Variants in XKR9 observed in about 807,000 individuals in gnomAD.
XKR9 encodes the protein XK-related protein 9.
Under a neutral mutation model 32.0 loss-of-function variants are expected in XKR9, and 32 were observed. The ratio of observed to expected loss-of-function variants is 1.00; its 90% CI spans 0.76 to 1.34. The LOEUF (loss-of-function observed/expected upper bound fraction) is 1.34. Among genes scored for constraint, XKR9 ranks in the 40% most tolerant of loss-of-function variants. The pLI, the probability that XKR9 is intolerant of heterozygous loss-of-function variation, is 0.00. For synonymous variants in XKR9, 168 were observed against 143.4 expected, an observed-to-expected ratio of 1.17 and a Z score of -1.22; for missense variants, 546 against 429.7, an observed-to-expected ratio of 1.27 and a Z score of -2.39.
At chr8:70,991,074 T>A in the XKR9 span, among the ~76,000 whole-genome samples, 1 of 152,124 alleles carries the variant, frequency 6.6e-6, no homozygotes, top group Admixed American at 6.5e-5. Flanking sequence ...CCCCAAGATG[T>A]TTTTGTTGTT....
intron 2 of XKR9, among the ~76,000 whole-genome samples, chr8:70,677,858 A>G (rs1818933641): frequency 6.6e-6 from 1 of 152,344 alleles, no homozygotes. Context: ...AGTAGCTACT[A>G]TTACTACCAT....
the XKR9 span, among the ~76,000 whole-genome samples, chr8:70,858,598 A>G: frequency 6.6e-6 from 1 of 152,168 alleles, no homozygotes; most frequent in African/African-American, 2.4e-5. Context: ...ACATTACCCG[A>G]CTTCAAAATT....
At chr8:70,813,902 A>G in the XKR9 span, among the ~76,000 whole-genome samples, 1 of 152,196 alleles carries the variant, frequency 6.6e-6, no homozygotes, top group Admixed American at 6.5e-5. Flanking sequence ...TCAGGGATCT[A>G]GAACTAGAAA....
At chr8:71,065,424 G>T in the XKR9 span, among the ~76,000 whole-genome samples, 1 of 152,194 alleles carries the variant, frequency 6.6e-6, no homozygotes, top group African/African-American at 2.4e-5. Context: ...GCCCCTACCA[G>T]ATCTGGACCG....
the XKR9 span, among the ~76,000 whole-genome samples, chr8:71,015,198 C>T: frequency 1.3e-5 from 2 of 152,162 alleles, no homozygotes; most frequent in Admixed American, 6.5e-5. Context: ...TATGAAGCAA[C>T]TAATTTTGAG....
rs561503880 is a variant in XKR9 at position 70,704,680 on chromosome 8, C to G, written c.273-2253C>G. 7.9e-5 allele frequency among the ~76,000 whole-genome samples: 12 copies of G among 152,234 alleles called. No homozygotes were observed. In the South Asian group the frequency reaches 2.1e-3, roughly 26 times the overall value. On this transcript the variant is annotated intron_variant, in intron 3 of 4. Coordinates refer to ENST00000408926, the MANE Select transcript of XKR9 (RefSeq NM_001011720.2). ...TTCTGCTGTGTGTAATAATTATGCT[C>G]TGGGTATGTTTATACTTGTGAATTT...
At chr8:70,755,429 A>G (rs1807207392) in intron 2 of XKR9, among the ~76,000 whole-genome samples, 1 of 152,198 alleles carries the variant, frequency 6.6e-6, no homozygotes, top group African/African-American at 2.4e-5. Flanking sequence ...AAAGGACTAT[A>G]AATCATGCTG....
the XKR9 span, among the ~76,000 whole-genome samples, chr8:70,999,594 C>T: frequency 2.6e-5 from 4 of 152,086 alleles, no homozygotes; most frequent in African/African-American, 9.7e-5. Flanking sequence ...GGAAAAAAAC[C>T]CTTAATGTGT....
At chr8:70,716,839 C>T (rs931407001) in intron 4 of XKR9, among the ~76,000 whole-genome samples, 8 of 152,146 alleles carry the variant, frequency 5.3e-5, no homozygotes, top group Non-Finnish European at 1.0e-4. Context: ...TCATCTGAGA[C>T]GAGGCAAGTC....
rs763045370 is a variant in XKR9, at chr8:70,733,453, C to T, written c.494-343C>T. On this transcript the variant is annotated intron_variant, in intron 4 of 4. Transcript: ENST00000408926. ...GTAGTCTCTTAACTCACAGAGTATG[C>T]TTTTTTCAGTATATCAGTTGCTCAA... Among the ~76,000 whole-genome samples the T allele has an allele frequency of 2.0e-5, 3 of 151,878 alleles. No individual in the cohort carries two copies. In the East Asian group the frequency reaches 5.8e-4, roughly 29 times the overall value.
chr8:70,796,846 A>C, the XKR9 span, among the ~76,000 whole-genome samples: 1 of 152,336 alleles, frequency 6.6e-6, no homozygotes, highest in South Asian at 2.1e-4. Flanking sequence ...GTTCCTTCTC[A>C]ACCCTAACAT....
the XKR9 span, among the ~76,000 whole-genome samples, chr8:70,936,892 T>C: frequency 6.6e-6 from 1 of 152,104 alleles, no homozygotes; most frequent in Non-Finnish European, 1.5e-5. Context: ...TGTTATGTTT[T>C]TTTCTTTTAA....
chr8:70,964,475 T>G, the XKR9 span, among the ~76,000 whole-genome samples: 1 of 152,234 alleles, frequency 6.6e-6, no homozygotes, highest in African/African-American at 2.4e-5. Context: ...ATATGAATTT[T>G]AAAATTGTTT....
chr8:70,760,318 T>G (rs1586887259), intron 2 of XKR9, among the ~76,000 whole-genome samples: 1 of 152,320 alleles, frequency 6.6e-6, no homozygotes, highest in African/African-American at 2.4e-5. Context: ...ATTTTACCTA[T>G]TTGCTCATTA....
intron 4 of XKR9, among the ~76,000 whole-genome samples, chr8:70,714,934 A>T (rs1806040076): frequency 6.6e-6 from 1 of 152,186 alleles, no homozygotes; most frequent in Admixed American, 6.6e-5. Context: ...ATAGTTTGAC[A>T]ATGGCACAAA....
the XKR9 span, among the ~76,000 whole-genome samples, chr8:70,894,742 G>GC: frequency 6.7e-6 from 1 of 150,220 alleles, no homozygotes; most frequent in African/African-American, 2.4e-5. Flanking sequence ...GGCTAAGGTG[G>GC]TTTTTTTTAG....
At chr8:70,681,984 T>A (rs2132112951) in intron 3 of XKR9, among the ~76,000 whole-genome samples, 1 of 152,282 alleles carries the variant, frequency 6.6e-6, no homozygotes, top group African/African-American at 2.4e-5. Flanking sequence ...TTTCTTATAT[T>A]AATTAATGGG....
At chr8:70,749,549 G>A (rs1464286221) in intron 2 of XKR9, among the ~76,000 whole-genome samples, 1 of 152,264 alleles carries the variant, frequency 6.6e-6, no homozygotes, top group African/African-American at 2.4e-5. Context: ...GCCAGTGCCT[G>A]GAGCTGCCCC....
the XKR9 span, among the ~76,000 whole-genome samples, chr8:70,974,204 C>A: frequency 6.6e-6 from 1 of 150,424 alleles, no homozygotes; most frequent in African/African-American, 2.4e-5. Context: ...GGCTTTTTAT[C>A]ATTATATAGT....
Sources: gnomAD v4.1 joint callset for allele counts (sites outside exome capture counted in the v4.1 genomes callset) on GRCh38, gnomAD v4.1.1 for gene constraint, MANE v1.5 for transcripts, NCBI Gene and HGNC (gene_info 2026-07-23, HGNC 2026-07-21) for gene names.